LSAMP: variants seen among roughly 807,000 people sequenced by gnomAD.
LSAMP encodes the protein limbic system-associated membrane protein.
Under a neutral mutation model 38.6 loss-of-function variants are expected in LSAMP, and 7 were observed. That is an observed-to-expected ratio of 0.18 (90% CI 0.10 to 0.34). The LOEUF is 0.34. Among genes scored for constraint, LSAMP ranks in the 10% least tolerant of loss-of-function variants. The pLI is 1.00. For missense variants in LSAMP, 313 were observed against 420.0 expected (o/e 0.75, Z 2.23); for synonymous variants, 154 against 166.8 (o/e 0.92, Z 0.59).
intron 3 of LSAMP, among the ~76,000 whole-genome samples, chr3:115,993,076 C>T (rs1243380235): frequency 6.6e-6 from 1 of 152,052 alleles, no homozygotes; most frequent in Non-Finnish European, 1.5e-5. Flanking sequence ...ACTCTGTAAG[C>T]TAGGAATACA....
chr3:116,197,682 G>A (rs1710925118), intron 1 of LSAMP, among the ~76,000 whole-genome samples: 1 of 151,964 alleles, frequency 6.6e-6, no homozygotes, highest in African/African-American at 2.4e-5. Context: ...TCTTAATAAT[G>A]AGAATCTCTG....
chr3:116,049,359 T>C (rs985814958), intron 2 of LSAMP, among the ~76,000 whole-genome samples: 1 of 152,200 alleles, frequency 6.6e-6, no homozygotes, highest in Non-Finnish European at 1.5e-5. Context: ...TCTACCTTCT[T>C]AAGTGTGCCA....
intron 3 of LSAMP, among the ~76,000 whole-genome samples, chr3:115,875,249 A>T (rs550893978): frequency 2.5e-4 from 38 of 152,244 alleles, no homozygotes; most frequent in African/African-American, 8.9e-4. Flanking sequence ...CTAACATTTG[A>T]ATGTATTTGT....
At chr3:115,902,940 C>T (rs1232355438) in intron 3 of LSAMP, among the ~76,000 whole-genome samples, 1 of 152,086 alleles carries the variant, frequency 6.6e-6, no homozygotes, top group Non-Finnish European at 1.5e-5. Flanking sequence ...TGTGGCAATT[C>T]CTCAAAGAGC....
chr3:116,414,219 A>G (rs932612164), intron 1 of LSAMP, among the ~76,000 whole-genome samples: 1 of 152,058 alleles, frequency 6.6e-6, no homozygotes, highest in Non-Finnish European at 1.5e-5. Flanking sequence ...CAAAAATGGC[A>G]GAAGTCTTCA....
intron 1 of LSAMP, among the ~76,000 whole-genome samples, chr3:116,117,455 A>G (rs1357082936): frequency 6.6e-6 from 1 of 152,254 alleles, no homozygotes; most frequent in African/African-American, 2.4e-5. Context: ...TTAGTATGGT[A>G]CATTTCCCAT....
chr3:116,401,468 G>C (rs1387753906), intron 1 of LSAMP, among the ~76,000 whole-genome samples: 1 of 152,168 alleles, frequency 6.6e-6, no homozygotes, highest in Non-Finnish European at 1.5e-5. Context: ...AATTTGTAGA[G>C]ACAGGGTTTC....
intron 3 of LSAMP, among the ~76,000 whole-genome samples, chr3:115,968,397 T>C (rs1938896859): frequency 6.6e-6 from 1 of 152,142 alleles, no homozygotes; most frequent in African/African-American, 2.4e-5. Context: ...AAGTGCTCTT[T>C]AGTCAGAAAG....
chr3:116,281,826 C>A (rs890591809), intron 1 of LSAMP, among the ~76,000 whole-genome samples: 2 of 152,100 alleles, frequency 1.3e-5, no homozygotes, highest in Non-Finnish European at 2.9e-5. Context: ...GGTATTTCCC[C>A]ACGTTGTCTA....
intron 3 of LSAMP, among the ~76,000 whole-genome samples, chr3:115,943,645 C>T (rs1484973442): frequency 6.6e-6 from 1 of 152,194 alleles, no homozygotes; most frequent in African/African-American, 2.4e-5. Context: ...GCTATTGTCA[C>T]TTAAATGGGC....
chr3:115,840,829 T>A (rs989636732), intron 6 of LSAMP, among the ~76,000 whole-genome samples: 1 of 150,498 alleles, frequency 6.6e-6, no homozygotes, highest in Admixed American at 6.6e-5. Context: ...ATAGAATCTG[T>A]GCAGAAAAAA....
intron 1 of LSAMP, among the ~76,000 whole-genome samples, chr3:116,249,983 T>C (rs2046658323): frequency 6.6e-6 from 1 of 152,162 alleles, no homozygotes; most frequent in South Asian, 2.1e-4. Flanking sequence ...TTATTGTAAA[T>C]CCTATTTTAT....
intron 1 of LSAMP, among the ~76,000 whole-genome samples, chr3:116,191,220 C>T (rs183766896): frequency 1.6e-4 from 24 of 152,234 alleles, no homozygotes; most frequent in African/African-American, 5.5e-4. Context: ...AAGACTCTGT[C>T]TCAAAACAAA....
At chr3:116,121,639 T>A (rs1708878352) in intron 1 of LSAMP, among the ~76,000 whole-genome samples, 1 of 152,092 alleles carries the variant, frequency 6.6e-6, no homozygotes, top group Non-Finnish European at 1.5e-5. Context: ...CCAGCAATTT[T>A]ATGAGATAGG....
intron 3 of LSAMP, among the ~76,000 whole-genome samples, chr3:116,014,249 G>C (rs1358219455): frequency 6.6e-6 from 1 of 152,064 alleles, no homozygotes; most frequent in Non-Finnish European, 1.5e-5. Context: ...TGAACTATAA[G>C]CTTCATTTGT....
chr3:116,093,729 C>T (rs568800298), intron 1 of LSAMP, among the ~76,000 whole-genome samples: 1 of 152,022 alleles, frequency 6.6e-6, no homozygotes, highest in Admixed American at 6.5e-5. Flanking sequence ...TTTTCATTGA[C>T]CTTTATTATT....
intron 1 of LSAMP, 66 bp from the exon 2 acceptor site, chr3:116,086,622 G>C: frequency 8.0e-7 from 1 of 1,254,980 alleles, no homozygotes; most frequent in Non-Finnish European, 1.2e-6. Context: ...TTCTCTAGGT[G>C]ATCAGACTCA....
At chr3:116,402,519 A>G (rs966270304) in intron 1 of LSAMP, among the ~76,000 whole-genome samples, 1 of 152,180 alleles carries the variant, frequency 6.6e-6, no homozygotes. Context: ...AGTCATTTTA[A>G]TTGCTTATAT....
rs1445458243 is a variant in LSAMP at position 115,802,785 on chromosome 3, C to T, written c.*7532G>A. 1 of 152,016 alleles carries T rather than the reference C, an allele frequency of 6.6e-6. No individual in the cohort carries two copies. 9.4% of individuals were successfully genotyped at this position (152,016 alleles called of 1,614,324 possible). The stretch of plus-strand genomic sequence containing the variant: ...ATTCTAACCAAGAGCAGGATTTATA[C>T]ACCCTTCAGTAGAGCAGTGATAAGG... On this transcript the variant is annotated 3_prime_UTR_variant, in exon 7 of 7. Transcript: ENST00000490035.
Sources: allele counts gnomAD v4.1 joint callset (sites outside exome capture counted in the v4.1 genomes callset), GRCh38; gene constraint gnomAD v4.1.1; transcripts MANE v1.5; gene names NCBI Gene and HGNC (gene_info 2026-07-23, HGNC 2026-07-21).